The following CCSER1 variants were observed in gnomAD, a reference collection of about 807,000 sequenced individuals.
CCSER1 encodes coiled-coil serine rich protein 1.
Under a neutral mutation model 82.0 loss-of-function variants are expected in CCSER1, and 41 were observed. That is an observed-to-expected ratio of 0.50 (90% confidence interval 0.39 to 0.65). The LOEUF (loss-of-function observed/expected upper bound fraction) is 0.65, where lower values mean the gene tolerates loss of function less well. Ranked by LOEUF, CCSER1 falls within the 30% of genes least tolerant of loss-of-function variation. CCSER1 has a pLI of 0.00. For missense variants in CCSER1, 1,119 were observed against 1,064.2 expected, an observed-to-expected ratio of 1.05 and a Z score of -0.72; for synonymous variants, 414 against 383.9, an observed-to-expected ratio of 1.08 and a Z score of -0.92.
intron 1 of CCSER1, among the ~76,000 whole-genome samples, chr4:90,307,504 G>A (rs1206521097): frequency 5.4e-5 from 6 of 111,362 alleles, no homozygotes; most frequent in Non-Finnish European, 1.0e-4. Flanking sequence ...TTGTCCTGGG[G>A]TGGGGGGAGG....
intron 10 of CCSER1, among the ~76,000 whole-genome samples, chr4:91,150,371 G>A (rs1730042728): frequency 6.6e-6 from 1 of 152,202 alleles, no homozygotes; most frequent in African/African-American, 2.4e-5. Flanking sequence ...AGCTTAAAGA[G>A]ACTTTGGGCT....
chr4:91,453,680 C>T (rs1220476806), intron 10 of CCSER1, among the ~76,000 whole-genome samples: 1 of 152,062 alleles, frequency 6.6e-6, no homozygotes, highest in African/African-American at 2.4e-5. Flanking sequence ...CTCCGAAGAA[C>T]CCAAGCATAT....
intron 9 of CCSER1, among the ~76,000 whole-genome samples, chr4:91,037,225 A>C (rs368778360): frequency 7.6e-6 from 1 of 132,070 alleles, no homozygotes; most frequent in South Asian, 2.7e-4. Context: ...GTGTCTTTCT[A>C]TCTCTGTCAC....
intron 10 of CCSER1, among the ~76,000 whole-genome samples, chr4:91,258,967 T>C (rs1581857439): frequency 6.6e-6 from 1 of 152,110 alleles, no homozygotes; most frequent in East Asian, 1.9e-4. Flanking sequence ...CTGAGAGCGA[T>C]TGCTCAAAAA....
chr4:90,770,910 A>G (rs1176286025), intron 7 of CCSER1, among the ~76,000 whole-genome samples: 1 of 152,190 alleles, frequency 6.6e-6, no homozygotes, highest in African/African-American at 2.4e-5. Flanking sequence ...CATTTTAACA[A>G]TAATGCAAAG....
At chr4:91,083,396 C>T (rs1723008018) in intron 9 of CCSER1, among the ~76,000 whole-genome samples, 1 of 151,854 alleles carries the variant, frequency 6.6e-6, no homozygotes, top group African/African-American at 2.4e-5. Flanking sequence ...GAACATCACA[C>T]ACAGGAGCCT....
chr4:91,319,870 C>T (rs1303810783), intron 10 of CCSER1: 3 of 362,840 alleles, frequency 8.3e-6, no homozygotes, highest in African/African-American at 6.4e-5. Context: ...CACCGTTTCA[C>T]TTACTTGTGG....
chr4:90,709,238 A>G (rs1423733593), intron 6 of CCSER1, among the ~76,000 whole-genome samples: 1 of 152,148 alleles, frequency 6.6e-6, no homozygotes, highest in Non-Finnish European at 1.5e-5. Flanking sequence ...TTAATGATGC[A>G]TTAATGATTA....
chr4:91,098,469 C>T (rs1207859832), intron 10 of CCSER1, among the ~76,000 whole-genome samples: 2 of 152,082 alleles, frequency 1.3e-5, no homozygotes, highest in Non-Finnish European at 2.9e-5. Flanking sequence ...ATGAATCAGA[C>T]TACTTTAGGA....
intron 6 of CCSER1, among the ~76,000 whole-genome samples, chr4:90,640,533 T>C (rs1049927266): frequency 6.6e-6 from 1 of 152,154 alleles, no homozygotes; most frequent in African/African-American, 2.4e-5. Flanking sequence ...AAATCTAGCA[T>C]AGTGATCACA....
At chr4:90,342,907 T>A (rs957951770) in intron 3 of CCSER1, among the ~76,000 whole-genome samples, 2 of 151,942 alleles carry the variant, frequency 1.3e-5, no homozygotes, top group African/African-American at 4.8e-5. Context: ...AGATTTTTTC[T>A]TATCTTATTG....
chr4:90,453,545 T>C (rs1761771000), intron 4 of CCSER1, among the ~76,000 whole-genome samples: 3 of 152,210 alleles, frequency 2.0e-5, no homozygotes, highest in South Asian at 4.1e-4. Flanking sequence ...AGTGTGGCAA[T>C]TGTGGCTCAG....
At chr4:90,619,616 C>A (rs541168916) in intron 5 of CCSER1, among the ~76,000 whole-genome samples, 1 of 152,080 alleles carries the variant, frequency 6.6e-6, no homozygotes, top group East Asian at 1.9e-4. Context: ...AACTTTCTGT[C>A]AGTTTTAGTG....
At chr4:90,444,059 A>C (rs1298464714) in intron 4 of CCSER1, among the ~76,000 whole-genome samples, 1 of 151,942 alleles carries the variant, frequency 6.6e-6, no homozygotes, top group East Asian at 1.9e-4. Context: ...GCTGGCCTTG[A>C]GGGGGAATGG....
chr4:91,068,050 T>C (rs1357056708), intron 9 of CCSER1, among the ~76,000 whole-genome samples: 1 of 152,218 alleles, frequency 6.6e-6, no homozygotes, highest in East Asian at 1.9e-4. Flanking sequence ...TAAATGCTAG[T>C]TTGAATGAAA....
intron 7 of CCSER1, among the ~76,000 whole-genome samples, chr4:90,764,280 A>C (rs1202416728): frequency 6.6e-6 from 1 of 152,180 alleles, no homozygotes; most frequent in Non-Finnish European, 1.5e-5. Context: ...ACCACCAAAC[A>C]GAATGTGTTT....
Position 90,684,020 on chromosome 4 carries a change from T to C in CCSER1, c.1933-39894T>C, listed in dbSNP as rs548842266. Among the ~76,000 whole-genome samples, 3 of 152,318 alleles carry C rather than the reference T, an allele frequency of 2.0e-5. No homozygotes were observed. The South Asian group carries it at 6.2e-4, about 32-fold the overall frequency. ...TCAAGCCTGTCATGTTTTGTTTTGT[T>C]TGTACTCTAGAGAATGCTCTGAGGT... is the stretch of plus-strand genomic sequence containing the variant. On this transcript the variant is annotated intron_variant, in intron 6 of 10. Coordinates refer to ENST00000509176, the MANE Select transcript of CCSER1 (RefSeq NM_001145065.2).
chr4:91,550,983 AT>A (rs1252214025), intron 10 of CCSER1, among the ~76,000 whole-genome samples: 2 of 152,130 alleles, frequency 1.3e-5, no homozygotes, highest in Admixed American at 6.6e-5. Flanking sequence ...AACATAAAGT[AT>A]TTTCTGCTTG....
intron 8 of CCSER1, among the ~76,000 whole-genome samples, chr4:90,841,729 A>C (rs1226345153): frequency 2.0e-5 from 3 of 152,144 alleles, no homozygotes; most frequent in African/African-American, 4.8e-5. Flanking sequence ...GACTTTCAAA[A>C]GCTAGGTTGA....
Sources: allele counts gnomAD v4.1 joint callset (sites outside exome capture counted in the v4.1 genomes callset), GRCh38; gene constraint gnomAD v4.1.1; transcripts MANE v1.5; gene names NCBI Gene and HGNC (gene_info 2026-07-23, HGNC 2026-07-21).